Variants in VRK2 observed in about 807,000 individuals in gnomAD.
The protein encoded by VRK2 is serine/threonine-protein kinase VRK2.
A neutral mutation model predicts 57.6 loss-of-function variants in VRK2; 60 were observed. That is an observed-to-expected ratio of 1.04 (90% CI 0.85 to 1.29). The LOEUF (loss-of-function observed/expected upper bound fraction) is 1.29. Ranked by LOEUF, VRK2 falls within the 50% of genes most tolerant of loss-of-function variation. The pLI, the probability that VRK2 is intolerant of heterozygous loss-of-function variation, is 0.00. For synonymous variants in VRK2, 231 were observed against 199.2 expected (o/e 1.16, Z -1.35); for missense variants, 705 against 588.1 (o/e 1.20, Z -2.06).
intron 2 of VRK2, among the ~76,000 whole-genome samples, chr2:58,052,775 C>G (rs969257663): frequency 6.6e-6 from 1 of 152,118 alleles, no homozygotes; most frequent in Admixed American, 6.5e-5. Flanking sequence ...ATTTTACTAA[C>G]TGATAAAAGC....
intron 7 of VRK2, among the ~76,000 whole-genome samples, chr2:58,105,414 C>T (rs1408658829): frequency 1.3e-5 from 2 of 151,772 alleles, no homozygotes; most frequent in Non-Finnish European, 1.5e-5. Context: ...TAAAATAAGA[C>T]ATAAAAATAG....
At chr2:58,048,996 T>G (rs1363984068) in intron 2 of VRK2, 29 bp downstream of exon 2, 15 of 1,604,824 alleles carry the variant, frequency 9.3e-6, no homozygotes, top group Non-Finnish European at 1.3e-5. Context: ...TTAACAATTA[T>G]TCTTATATCT....
intron 7 of VRK2, among the ~76,000 whole-genome samples, chr2:58,092,439 A>G (rs1052174158): frequency 6.6e-6 from 1 of 152,158 alleles, no homozygotes; most frequent in African/African-American, 2.4e-5. Flanking sequence ...GGTTGTTTTC[A>G]GTTTTTGACA....
intron 1 of VRK2, among the ~76,000 whole-genome samples, chr2:58,006,062 C>A (rs1558536696): frequency 6.6e-6 from 1 of 152,166 alleles, no homozygotes; most frequent in Non-Finnish European, 1.5e-5. Flanking sequence ...CAGCATCCCC[C>A]TAGAGGTAAG....
rs373998930 is a variant in VRK2 at position 58,089,614 on chromosome 2, T to A, written c.451-17T>A. The A allele has an allele frequency of 2.4e-5, 36 of 1,492,880 alleles. No individual in the cohort carries two copies. The highest frequency in any genetic ancestry group is 3.7e-6 in the Non-Finnish European group (4 of 1,086,042). 92.5% of individuals were successfully genotyped at this position (1,492,880 alleles called of 1,614,324 possible). On this transcript the variant is annotated splice_polypyrimidine_tract_variant and intron_variant, in intron 6 of 12. Transcript: ENST00000340157. ...CTAAATAGCAGTAAACCTTATTTTA[T>A]CTATTTATTTTCACAGTTGGATGTA...
At chr2:58,102,793 T>G (rs564806987) in intron 7 of VRK2, among the ~76,000 whole-genome samples, 2 of 151,742 alleles carry the variant, frequency 1.3e-5, no homozygotes, top group South Asian at 4.1e-4. Flanking sequence ...ATTTTACTCA[T>G]CATCACAGGG....
At chr2:58,082,606 C>A (rs544203213) in intron 2 of VRK2, among the ~76,000 whole-genome samples, 1 of 150,768 alleles carries the variant, frequency 6.6e-6, no homozygotes, top group Admixed American at 6.6e-5. Flanking sequence ...ACTCTGTCCC[C>A]TGTGTATACT....
intron 6 of VRK2, 64 bp from the exon 7 acceptor site, chr2:58,089,567 A>G (rs1672085723): frequency 1.0e-6 from 1 of 1,003,812 alleles, no homozygotes; most frequent in Non-Finnish European, 1.5e-6. Flanking sequence ...TATATTCAAA[A>G]TGTTGAAATT....
At chr2:58,152,181 C>A (rs1412873887) in intron 12 of VRK2, among the ~76,000 whole-genome samples, 2 of 151,850 alleles carry the variant, frequency 1.3e-5, no homozygotes, top group African/African-American at 2.4e-5. Flanking sequence ...GAGATACTTA[C>A]ATCTTTTTCT....
At chr2:57,978,118 A>T (rs1268526195) in intron 1 of VRK2, among the ~76,000 whole-genome samples, 3 of 151,174 alleles carry the variant, frequency 2.0e-5, no homozygotes, top group Non-Finnish European at 4.4e-5. Context: ...AGTATTGTTT[A>T]ATAATGTATG....
At chr2:58,059,137 A>C (rs940520751) in intron 2 of VRK2, among the ~76,000 whole-genome samples, 1 of 152,070 alleles carries the variant, frequency 6.6e-6, no homozygotes, top group African/African-American at 2.4e-5. Context: ...CTGTGAAAGA[A>C]CATCTGATAT....
intron 1 of VRK2, among the ~76,000 whole-genome samples, chr2:57,938,852 T>C (rs1281016890): frequency 6.6e-6 from 1 of 152,174 alleles, no homozygotes; most frequent in Non-Finnish European, 1.5e-5. Context: ...TTCAAAGTTA[T>C]TTATGACTTC....
chr2:58,035,361 ACT>A lies in VRK2; in HGVS notation c.-6+1813_-6+1814del, dbSNP rs538591001. Among the ~76,000 whole-genome samples the A allele has an allele frequency of 9.3e-4, 141 of 151,662 alleles. 3 individuals are homozygous for A. The South Asian group carries it at 0.017, about 18-fold the overall frequency. ...TTCTTCATCAGTCTATGGTCTCCTT[ACT>A]CTCTGTTTCGCCTTTTATCTATTTA... is the stretch of plus-strand genomic sequence containing the variant. On this transcript the variant is annotated intron_variant, in intron 3 of 15. Transcript: ENST00000417641.
intron 7 of VRK2, among the ~76,000 whole-genome samples, chr2:58,118,487 A>C (rs1223531237): frequency 6.6e-6 from 1 of 152,184 alleles, no homozygotes; most frequent in Non-Finnish European, 1.5e-5. Flanking sequence ...GCCAAGATTG[A>C]AAGGAGAAAG....
intron 1 of VRK2, among the ~76,000 whole-genome samples, chr2:57,931,582 G>A (rs2103932838): frequency 6.6e-6 from 1 of 152,154 alleles, no homozygotes; most frequent in East Asian, 1.9e-4. Context: ...TTTGCCTTTT[G>A]TTGACTGTTA....
chr2:58,021,902 G>C lies in VRK2; in HGVS notation c.-438-3763G>C, dbSNP rs116926013. Among the ~76,000 whole-genome samples the C allele has an allele frequency of 2.2e-4, 33 of 152,156 alleles. No individual in the cohort carries two copies. In the East Asian group the frequency reaches 5.6e-3, roughly 26 times the overall value. The stretch of plus-strand genomic sequence containing the variant: ...CTTTTAAACACTGTTTCTTCCTTTT[G>C]TCTCAACCATCAAAAGTGTTAATAC... On this transcript the variant is annotated intron_variant, in intron 1 of 15. Coordinates refer to the VRK2 transcript ENST00000417641.
rs767112405 is a variant in VRK2 at position 58,048,967 on chromosome 2, G to A, written c.136G>A (p.Ala46Thr). 1 of 1,608,878 alleles carries A rather than the reference G, an allele frequency of 6.2e-7. No individual in the cohort carries two copies. The highest frequency in any genetic ancestry group is 8.5e-7 in the Non-Finnish European group (1 of 1,177,956). Residue 46 changes from alanine (A) to threonine (T), a missense_variant and splice_region_variant, in exon 2 of 13, where the codon GCT (alanine) becomes ACT (threonine). Transcript: ENST00000340157. ...GSGGFGLIYL[A>T]FPTNKPEKDA... ...TGGAGGATTTGGATTGATATATTTA[G>A]GTAAAGTAAAACCTTAAATTAACAA... is the stretch of plus-strand genomic sequence containing the variant.
chr2:58,034,028 TTC>T (rs1285034720), intron 3 of VRK2, among the ~76,000 whole-genome samples: 1 of 152,010 alleles, frequency 6.6e-6, no homozygotes, highest in African/African-American at 2.4e-5. Flanking sequence ...CCCAAATAAT[TTC>T]TGAGGATCCT....
chr2:57,943,802 T>C (rs1671171960), intron 1 of VRK2, among the ~76,000 whole-genome samples: 1 of 152,196 alleles, frequency 6.6e-6, no homozygotes, highest in Non-Finnish European at 1.5e-5. Context: ...ATGTTCTACA[T>C]GTACAGGGTC....
Sources: gnomAD v4.1 joint callset for allele counts (sites outside exome capture counted in the v4.1 genomes callset) on GRCh38, gnomAD v4.1.1 for gene constraint, MANE v1.5 for transcripts, NCBI Gene and HGNC (gene_info 2026-07-23, HGNC 2026-07-21) for gene names.